HACE1: variants seen among roughly 807,000 people sequenced by gnomAD.
HACE1 encodes HECT domain and ankyrin repeat containing E3 ubiquitin protein ligase 1.
Under a neutral mutation model 118.4 loss-of-function variants are expected in HACE1, and 73 were observed. The ratio of observed to expected loss-of-function variants is 0.62; its 90% CI spans 0.51 to 0.75. HACE1 has a LOEUF of 0.75. Ranked by LOEUF, HACE1 falls within the 30% of genes least tolerant of loss-of-function variation. The probability of loss-of-function intolerance (pLI) is 0.00; values close to 1 mark genes in which losing one functional copy is unlikely to be tolerated. For synonymous variants in HACE1, 368 were observed against 374.8 expected, an observed-to-expected ratio of 0.98 and a Z score of 0.21; for missense variants, 749 against 1,102.2, an observed-to-expected ratio of 0.68 and a Z score of 4.54.
intron 5 of HACE1, among the ~76,000 whole-genome samples, chr6:104,834,751 C>CA (rs1774357506): frequency 6.6e-6 from 1 of 152,080 alleles, no homozygotes; most frequent in South Asian, 2.1e-4. Flanking sequence ...AGAAACCCCC[C>CA]AAAAAATGTG....
intron 7 of HACE1, among the ~76,000 whole-genome samples, chr6:104,809,870 AAG>A (rs960850102): frequency 8.6e-5 from 13 of 151,256 alleles, no homozygotes; most frequent in African/African-American, 1.7e-4. Flanking sequence ...CAAGTTCACA[AAG>A]AGAGAGAGAG....
At chr6:104,851,439 A>G (rs1475071764) in intron 2 of HACE1, among the ~76,000 whole-genome samples, 1 of 152,124 alleles carries the variant, frequency 6.6e-6, no homozygotes, top group Non-Finnish European at 1.5e-5. Context: ...ATACTGCACT[A>G]TTCTCTTAGT....
chr6:104,763,033 A>G (rs1325341900), intron 19 of HACE1, among the ~76,000 whole-genome samples: 1 of 151,866 alleles, frequency 6.6e-6, no homozygotes. Flanking sequence ...ATAAGAAATA[A>G]ACAAATTTCC....
chr6:104,797,920 T>C (rs991162897), intron 7 of HACE1, among the ~76,000 whole-genome samples: 1 of 151,492 alleles, frequency 6.6e-6, no homozygotes, highest in African/African-American at 2.4e-5. Context: ...AATACAAAAT[T>C]AGCTGGGCAT....
intron 12 of HACE1, 58 bp from the exon 13 acceptor site, chr6:104,784,543 C>A (rs916496446): frequency 3.4e-6 from 4 of 1,171,240 alleles, no homozygotes; most frequent in South Asian, 1.2e-5. Context: ...TATAATATAG[C>A]GAACTTGATA....
chr6:104,821,862 T>G (rs1772748525), intron 6 of HACE1, among the ~76,000 whole-genome samples: 1 of 152,158 alleles, frequency 6.6e-6, no homozygotes, highest in Admixed American at 6.5e-5. Flanking sequence ...ATCTAGTAAC[T>G]CCCTACTAAA....
At chr6:104,767,918 C>A (rs1265214126) in intron 19 of HACE1, among the ~76,000 whole-genome samples, 1 of 152,048 alleles carries the variant, frequency 6.6e-6, no homozygotes, top group Non-Finnish European at 1.5e-5. Flanking sequence ...TTTCTCCAAG[C>A]CTGGATGAAC....
At chr6:104,823,095 T>C (rs1037620590) in intron 6 of HACE1, among the ~76,000 whole-genome samples, 3 of 152,222 alleles carry the variant, frequency 2.0e-5, no homozygotes, top group Admixed American at 6.5e-5. Flanking sequence ...TCACTTTTAA[T>C]ATATCCTACA....
intron 19 of HACE1, among the ~76,000 whole-genome samples, chr6:104,767,911 C>A (rs1780181165): frequency 6.6e-6 from 1 of 152,058 alleles, no homozygotes; most frequent in South Asian, 2.1e-4. Context: ...TCTTTTTTTT[C>A]TCCAAGCCTG....
Position 104,777,127 on chromosome 6 carries a change from G to A in HACE1, c.1679-17C>T. 2 of 1,564,308 alleles carry A rather than the reference G, an allele frequency of 1.3e-6. No individual in the cohort carries two copies. The highest frequency in any genetic ancestry group is 1.8e-6 in the Non-Finnish European group (2 of 1,135,220). ...AAATAGAATCTAAATATGTAGCATT[G>A]GTTAATTTTACATATTAAAATTTAT... On this transcript the variant is annotated splice_polypyrimidine_tract_variant and intron_variant, in intron 15 of 23. Transcript: ENST00000262903.
chr6:104,765,305 C>T (rs1284947943), intron 19 of HACE1, among the ~76,000 whole-genome samples: 2 of 152,166 alleles, frequency 1.3e-5, no homozygotes, highest in African/African-American at 4.8e-5. Flanking sequence ...GTAAGAAATT[C>T]ACTCCTTGAA....
chr6:104,852,175 C>T lies in HACE1; in HGVS notation c.131+142G>A, dbSNP rs1219223514. The T allele has an allele frequency of 1.7e-5, 11 of 647,552 alleles. No individual in the cohort carries two copies. The African/African-American group carries it at 1.8e-4, about 11-fold the overall frequency. 40.1% of individuals were successfully genotyped at this position (647,552 alleles called of 1,614,324 possible). ...TAACAGAAAAGTTAAATAACTTGCC[C>T]CAGAACATCTATGTCCAAACTGTCT... On this transcript the variant is annotated intron_variant, in intron 2 of 23. Transcript: ENST00000262903.
At chr6:104,842,719 C>G (rs1775238656) in intron 5 of HACE1, among the ~76,000 whole-genome samples, 1 of 152,094 alleles carries the variant, frequency 6.6e-6, no homozygotes, top group Non-Finnish European at 1.5e-5. Context: ...AAGTCATAAA[C>G]TTAAAAAGGA....
chr6:104,844,206 T>A (rs1775401718), intron 4 of HACE1, among the ~76,000 whole-genome samples: 1 of 151,730 alleles, frequency 6.6e-6, no homozygotes, highest in African/African-American at 2.4e-5. Flanking sequence ...CCCAGCTAAT[T>A]TTGTATTTTT....
intron 7 of HACE1, among the ~76,000 whole-genome samples, chr6:104,804,955 C>T (rs1387326415): frequency 2.0e-5 from 3 of 152,190 alleles, no homozygotes; most frequent in Admixed American, 2.0e-4. Context: ...TTGCAATCTA[C>T]TCATCTGACA....
chr6:104,784,858 T>A (rs564525248), intron 12 of HACE1, 127 bp downstream of exon 12: 1 of 686,596 alleles, frequency 1.5e-6, no homozygotes, highest in African/African-American at 1.8e-5. Context: ...TTAGTATGAG[T>A]ATCTTAAAAC....
chr6:104,803,750 C>A (rs1177539764), intron 7 of HACE1, among the ~76,000 whole-genome samples: 2 of 152,142 alleles, frequency 1.3e-5, no homozygotes, highest in Admixed American at 1.3e-4. Context: ...AAACCCACAG[C>A]CAATATCATA....
At chr6:104,808,674 T>A (rs1771288450) in intron 7 of HACE1, among the ~76,000 whole-genome samples, 1 of 152,224 alleles carries the variant, frequency 6.6e-6, no homozygotes, top group Non-Finnish European at 1.5e-5. Context: ...TTAACCTTTA[T>A]CTTAGAGCCC....
At chr6:104,740,319 G>A (rs1056790445) in intron 22 of HACE1, among the ~76,000 whole-genome samples, 12 of 149,852 alleles carry the variant, frequency 8.0e-5, no homozygotes, top group Admixed American at 5.3e-4. Context: ...ACTAAAATCA[G>A]AGCAGAACTG....
Sources: allele counts gnomAD v4.1 joint callset (sites outside exome capture counted in the v4.1 genomes callset), GRCh38; gene constraint gnomAD v4.1.1; transcripts MANE v1.5; gene names NCBI Gene and HGNC (gene_info 2026-07-23, HGNC 2026-07-21).